The following BIRC6 variants were observed in gnomAD, a reference collection of about 807,000 sequenced individuals.
BIRC6 encodes the protein baculoviral IAP repeat containing 6, also known as dual E2 ubiquitin-conjugating enzyme/E3 ubiquitin-protein ligase BIRC6.
Under a neutral mutation model 503.3 loss-of-function variants are expected in BIRC6, and 98 were observed. The observed-to-expected ratio is 0.19, with a 90% CI of 0.17 to 0.23. The LOEUF (loss-of-function observed/expected upper bound fraction) is 0.23. BIRC6 is among the 10% of genes least tolerant of loss of function. BIRC6 has a pLI of 1.00. For missense variants in BIRC6, 5,360 were observed against 5,806.0 expected, an observed-to-expected ratio of 0.92 and a Z score of 2.50; for synonymous variants, 2,240 against 2,078.7, an observed-to-expected ratio of 1.08 and a Z score of -2.11.
chr2:32,395,659 A>C, intron 6 of BIRC6, 66 bp downstream of exon 6: 1 of 1,360,950 alleles, frequency 7.3e-7, no homozygotes, highest in Non-Finnish European at 1.0e-6. Context: ...TCTAAATTTT[A>C]CTTTTCTGCT....
At position 32,571,504 on chromosome 2, in the gene BIRC6, A is replaced by G. The variant is rs949684048; in HGVS notation, c.13145-3652A>G. Among the ~76,000 whole-genome samples, 5 of 148,628 alleles carry G rather than the reference A, an allele frequency of 3.4e-5. No individual in the cohort carries two copies. In the Admixed American group the frequency reaches 3.5e-4, roughly 10 times the overall value. On this transcript the variant is annotated intron_variant, in intron 65 of 73. Transcript: ENST00000421745. The stretch of plus-strand genomic sequence containing the variant: ...CAATCTCAGGAGGTTGTATGTTTCC[A>G]GGAATTTACTTGTTTCCTCTAGGTT...
In BIRC6 at chr2:32,436,067, C is replaced by A; in HGVS notation, c.3514C>A (p.Pro1172Thr). 2 of 1,418,644 alleles carry A rather than the reference C, an allele frequency of 1.4e-6. No homozygotes were observed. Among genetic ancestry groups the A allele is most frequent in the Non-Finnish European group, 1.9e-6 (2 of 1,069,612 alleles). The allele number at this position is 1,418,644 out of a possible 1,614,324, so 87.9% of individuals were successfully genotyped here. Residue 1172 changes from proline to threonine, a missense_variant, in exon 15 of 74, where the codon CCA becomes ACA. Pro to Thr is a conservative substitution (Grantham distance 38, BLOSUM62 -1). This residue lies in a region of BIRC6 where 2,299 missense variants were observed against 2,267.2 expected (regional missense o/e 1.01). Coordinates refer to ENST00000421745, the MANE Select transcript of BIRC6 (RefSeq NM_016252.4). ...VEESQCLRLCPFLEDHKEDIL... is the reference protein window; with the variant it reads ...VEESQCLRLCTFLEDHKEDIL... The stretch of plus-strand genomic sequence containing the variant: ...TTTCTTTTTAGGTCTTAGATTATGT[C>A]CATTTTTGGAGGATCATAAAGAAGA...
At chr2:32,603,441 G>A (rs2062199826) in intron 71 of BIRC6, among the ~76,000 whole-genome samples, 1 of 152,170 alleles carries the variant, frequency 6.6e-6, no homozygotes, top group Non-Finnish European at 1.5e-5. Flanking sequence ...CTGAAAAGGA[G>A]AGGGGGCACA....
At chr2:32,525,815 T>A (rs1055293228) in intron 59 of BIRC6, among the ~76,000 whole-genome samples, 187 bp downstream of exon 59, 1 of 152,176 alleles carries the variant, frequency 6.6e-6, no homozygotes, top group African/African-American at 2.4e-5. Flanking sequence ...CTATTACGTA[T>A]CCTTTTTAAC....
Position 32,428,122 on chromosome 2 carries a change from C to T in BIRC6, c.2873-1024C>T, listed in dbSNP as rs148508028. On this transcript the variant is annotated intron_variant, in intron 10 of 73. Transcript: ENST00000421745. ...GCCAGTAAGGCTGTGCTCAAGTGTG[C>T]CCTGGCTTTTATTTTCTGTTGTGCT... Among the ~76,000 whole-genome samples, 425 of 152,196 alleles carry T rather than the reference C, an allele frequency of 2.8e-3. 2 individuals are homozygous for T. The highest frequency in any genetic ancestry group is 3.2e-3 in the Non-Finnish European group (216 of 68,022).
chr2:32,507,726 C>T (rs983102901), intron 50 of BIRC6, among the ~76,000 whole-genome samples: 1 of 152,004 alleles, frequency 6.6e-6, no homozygotes, highest in Non-Finnish European at 1.5e-5. Flanking sequence ...ATCTTTGGTT[C>T]CTCTTTTTTT....
In BIRC6 at chr2:32,597,875, C is replaced by G. The variant is rs1200365061; in HGVS notation, c.13737C>G (p.Ala4579=). 1.2e-6 allele frequency: 2 copies of G among 1,613,872 alleles called. No individual in the cohort carries two copies. Among genetic ancestry groups the G allele is most frequent in the Non-Finnish European group, 1.7e-6 (2 of 1,179,858 alleles). Residue 4579 remains alanine, a synonymous_variant, in exon 69 of 74, where the codon GCC becomes GCG. Transcript: ENST00000421745. ...ANSAARARRL[A]QEAVTLSTSL... ...GTGCTGCCAGAGCTCGCCGCCTTGCCCAGGAAGCTGTGACGCTTTCAACCT... is the reference window on the plus strand; with the variant it reads ...GTGCTGCCAGAGCTCGCCGCCTTGCGCAGGAAGCTGTGACGCTTTCAACCT...
chr2:32,535,260 G>A lies in BIRC6; in HGVS notation c.12291+3709G>A, dbSNP rs576125028. On this transcript the variant is annotated intron_variant, in intron 61 of 73. Transcript: ENST00000421745. The stretch of plus-strand genomic sequence containing the variant: ...AACAGCAGCAATAACACTAACAACT[G>A]GCCTTTCAACAGAAACCATATGAGC... 5.3e-5 allele frequency among the ~76,000 whole-genome samples: 8 copies of A among 150,344 alleles called. No homozygotes were observed. In the South Asian group the frequency reaches 1.7e-3, roughly 31 times the overall value.
At chr2:32,503,673 C>T (rs916976576) in intron 49 of BIRC6, among the ~76,000 whole-genome samples, 31 of 151,944 alleles carry the variant, frequency 2.0e-4, no homozygotes, top group Admixed American at 2.0e-3. Context: ...CCACCTGCCT[C>T]GGCCTCCCAA....
At chr2:32,424,362 G>C (rs11675610) in intron 10 of BIRC6, among the ~76,000 whole-genome samples, 3,562 of 152,076 alleles carry the variant, frequency 0.023, 46 homozygotes, top group South Asian at 0.057. Context: ...GGTGACTATT[G>C]TAACTCAGCA....
At chr2:32,490,297 C>T in intron 43 of BIRC6, 146 bp downstream of exon 43, 1 of 664,150 alleles carries the variant, frequency 1.5e-6, no homozygotes, top group Non-Finnish European at 2.6e-6. Flanking sequence ...CCTGTAAACC[C>T]AGCACTTTGG....
chr2:32,608,643 C>T (rs1027567310), intron 72 of BIRC6, among the ~76,000 whole-genome samples: 2 of 150,496 alleles, frequency 1.3e-5, no homozygotes, highest in African/African-American at 2.5e-5. Flanking sequence ...TCTTGAACTC[C>T]TGACCTCAGG....
chr2:32,432,244 T>C (rs1172552770), intron 12 of BIRC6, among the ~76,000 whole-genome samples: 4 of 152,076 alleles, frequency 2.6e-5, no homozygotes, highest in African/African-American at 9.7e-5. Flanking sequence ...GGTGAAACGC[T>C]GTCTCTACTA....
intron 68 of BIRC6, 100 bp downstream of exon 68, chr2:32,595,244 C>A: frequency 1.4e-6 from 1 of 707,598 alleles, no homozygotes; most frequent in Non-Finnish European, 2.3e-6. Context: ...TTTAAAATTG[C>A]TTGTAACATG....
chr2:32,584,127 T>C (rs1190872484), intron 66 of BIRC6, among the ~76,000 whole-genome samples: 2 of 152,068 alleles, frequency 1.3e-5, no homozygotes, highest in Non-Finnish European at 2.9e-5. Context: ...AATCCCAGCA[T>C]GTTGGGAGGT....
At chr2:32,475,116 A>G (rs998031964) in intron 33 of BIRC6, among the ~76,000 whole-genome samples, 1 of 148,070 alleles carries the variant, frequency 6.8e-6, no homozygotes, top group Non-Finnish European at 1.5e-5. Flanking sequence ...GTGAGCTGAT[A>G]TCACACCACT....
Position 32,518,961 on chromosome 2 carries a change from A to C in BIRC6, c.11623+15A>C. 1 of 1,609,960 alleles carries C rather than the reference A, an allele frequency of 6.2e-7. No individual in the cohort carries two copies. Among genetic ancestry groups the C allele is most frequent in the African/African-American group, 1.3e-5 (1 of 75,002 alleles). On this transcript the variant is annotated intron_variant, in intron 57 of 73. Coordinates refer to ENST00000421745, the MANE Select transcript of BIRC6 (RefSeq NM_016252.4). ...CAGAGTGTCAGGCAAGTCAGATTTA[A>C]GTATTAGTTTTTGTTTAACTTTATG...
chr2:32,515,314 G>T lies in BIRC6; in HGVS notation c.10893G>T (p.Leu3631Phe). 6.2e-7 allele frequency: 1 copy of T among 1,613,840 alleles called. No homozygotes were observed. The highest frequency in any genetic ancestry group is 8.5e-7 in the Non-Finnish European group (1 of 1,179,886). The change falls in exon 55 of 74, where the codon TTG becomes TTT. Residue 3631 changes from leucine (L) to phenylalanine (F), a missense_variant. By Grantham distance (22) the Leu-to-Phe change is conservative. This residue lies in a region of BIRC6 where 878 missense variants were observed against 928.9 expected (regional missense o/e 0.95). Coordinates refer to ENST00000421745, the MANE Select transcript of BIRC6 (RefSeq NM_016252.4). The part of the protein sequence containing the change: ...EAIKQLLDSG[L>F]PSLLVRSLAS... ...TTAAACAATTACTAGACTCAGGTTT[G>T]CCTTCTCTTCTTGTGAGGAGTCTGG...
chr2:32,515,385 A>T lies in BIRC6; in HGVS notation c.10964A>T (p.Gln3655Leu). 1.9e-6 allele frequency: 3 copies of T among 1,613,560 alleles called. No individual in the cohort carries two copies. Among genetic ancestry groups the T allele is most frequent in the Non-Finnish European group, 2.5e-6 (3 of 1,179,890 alleles). The change falls in exon 55 of 74, where the codon CAG (glutamine) becomes CTG (leucine). Residue 3655 changes from glutamine to leucine, a missense_variant. By Grantham distance (113) the Gln-to-Leu change is moderately radical. Around this residue, in one of 16 missense-constraint regions of BIRC6, gnomAD observed 878 missense variants for 928.9 expected, o/e 0.95. Transcript: ENST00000421745. ...ATTTCTAGCTCAGAAAGCATTGCCC[A>T]GTCAATAGATATTTCCCAGGACAAA... ...SHISSSESIA[Q>L]SIDISQDKLR...
Sources: gnomAD v4.1 joint callset for allele counts (sites outside exome capture counted in the v4.1 genomes callset) on GRCh38, gnomAD v4.1.1 for gene constraint, gnomAD v4.1.1 regional missense constraint, MANE v1.5 for transcripts, NCBI Gene and HGNC (gene_info 2026-07-23, HGNC 2026-07-21) for gene names.